Variants in ETS1 observed in about 807,000 individuals in gnomAD.
ETS1 encodes ETS proto-oncogene 1, transcription factor.
ETS1 carries 15 observed loss-of-function variants against 58.6 expected under a neutral mutation model. That is an observed-to-expected ratio of 0.26 (90% confidence interval 0.17 to 0.39). ETS1 has a LOEUF of 0.39. Ranked by LOEUF, ETS1 falls within the 10% of genes least tolerant of loss-of-function variation. The pLI, the probability that ETS1 is intolerant of heterozygous loss-of-function variation, is 1.00. For synonymous variants in ETS1, 214 were observed against 218.2 expected, an observed-to-expected ratio of 0.98 and a Z score of 0.17; for missense variants, 417 against 610.5, an observed-to-expected ratio of 0.68 and a Z score of 3.34.
At chr11:128,539,982 A>T (rs1207410933) in intron 3 of ETS1, among the ~76,000 whole-genome samples, 1 of 152,210 alleles carries the variant, frequency 6.6e-6, no homozygotes, top group African/African-American at 2.4e-5. Context: ...AAGAATGAAG[A>T]TCGACTGCTA....
At chr11:128,515,517 A>T (rs544919723) in intron 3 of ETS1, among the ~76,000 whole-genome samples, 1 of 152,344 alleles carries the variant, frequency 6.6e-6, no homozygotes, top group Non-Finnish European at 1.5e-5. Flanking sequence ...TTATTAGCTT[A>T]CTTAGATGGT....
chr11:128,479,374 A>C (rs2135439126), intron 8 of ETS1, among the ~76,000 whole-genome samples: 1 of 152,362 alleles, frequency 6.6e-6, no homozygotes, highest in South Asian at 2.1e-4. Flanking sequence ...TCTAATTTTT[A>C]GAAAACACTA....
At chr11:128,540,749 T>G (rs754114591) in intron 3 of ETS1, among the ~76,000 whole-genome samples, 124 of 152,290 alleles carry the variant, frequency 8.1e-4, no homozygotes, top group Non-Finnish European at 1.4e-3. Context: ...CAAGGAGCAC[T>G]AATGAAGTGA....
At chr11:128,513,878 C>T (rs1034779433) in intron 3 of ETS1, among the ~76,000 whole-genome samples, 3 of 152,130 alleles carry the variant, frequency 2.0e-5, no homozygotes, top group African/African-American at 7.2e-5. Context: ...ATAGCGAGAC[C>T]TCATTTCTAC....
At chr11:128,556,205 C>T in intron 3 of ETS1, 86 bp downstream of exon 3, 1 of 1,157,238 alleles carries the variant, frequency 8.6e-7, no homozygotes, top group Admixed American at 2.4e-5. Context: ...GCCATGGCAG[C>T]TGTTATTTGA....
chr11:128,534,976 G>C (rs1863951871), intron 3 of ETS1, among the ~76,000 whole-genome samples: 1 of 152,126 alleles, frequency 6.6e-6, no homozygotes. Flanking sequence ...TGGTATTTCT[G>C]GTTCTTGATC....
chr11:128,558,322 G>C (rs1178849329), intron 2 of ETS1, among the ~76,000 whole-genome samples: 2 of 152,166 alleles, frequency 1.3e-5, no homozygotes, highest in Non-Finnish European at 2.9e-5. Flanking sequence ...GGAACCATCA[G>C]CAAGAATACA....
chr11:128,522,089 G>A (rs1484609852), intron 3 of ETS1: 21 of 1,338,558 alleles, frequency 1.6e-5, no homozygotes, highest in East Asian at 1.2e-4. Flanking sequence ...GGAAGGGGAC[G>A]GGGGAAATCC....
chr11:128,500,009 A>G (rs1318684565), intron 3 of ETS1, among the ~76,000 whole-genome samples: 1 of 152,248 alleles, frequency 6.6e-6, no homozygotes, highest in Non-Finnish European at 1.5e-5. Flanking sequence ...CGCAGGAAAC[A>G]AACACAGAGA....
rs147221009 is a variant in ETS1, at chr11:128,546,175, G to A, written c.214+10116C>T. Among the ~76,000 whole-genome samples the A allele has an allele frequency of 5.2e-3, 797 of 152,348 alleles. 4 individuals carry two copies. Among genetic ancestry groups the A allele is most frequent in the African/African-American group, 0.018 (754 of 41,586 alleles). On this transcript the variant is annotated intron_variant, in intron 3 of 9. Transcript: ENST00000392668. ...GTTCAAAGTAGTTGACTTGGGTTGG[G>A]TAATCTGTCTAGACTGGAGAAGTCT...
At chr11:128,506,318 G>C (rs780458341) in intron 3 of ETS1, among the ~76,000 whole-genome samples, 3 of 152,190 alleles carry the variant, frequency 2.0e-5, no homozygotes, top group African/African-American at 7.2e-5. Context: ...AAATGTTAGA[G>C]AGAGAAAGAG....
At chr11:128,532,051 C>T (rs573504749) in intron 3 of ETS1, among the ~76,000 whole-genome samples, 2 of 152,334 alleles carry the variant, frequency 1.3e-5, no homozygotes, top group Non-Finnish European at 2.9e-5. Context: ...GGGTCTCGCT[C>T]TATCACCCAG....
chr11:128,479,477 T>A (rs554442650), intron 8 of ETS1, among the ~76,000 whole-genome samples: 2 of 152,388 alleles, frequency 1.3e-5, no homozygotes, highest in South Asian at 4.1e-4. Context: ...TTAAGTAGCA[T>A]GATATGCTAC....
intron 3 of ETS1, among the ~76,000 whole-genome samples, chr11:128,552,253 T>C (rs1277859722): frequency 6.6e-6 from 1 of 152,188 alleles, no homozygotes; most frequent in East Asian, 1.9e-4. Flanking sequence ...GGTTCTTTCC[T>C]ACTACACTAA....
chr11:128,506,546 G>A (rs532756957), intron 3 of ETS1, among the ~76,000 whole-genome samples: 3 of 152,292 alleles, frequency 2.0e-5, no homozygotes, highest in African/African-American at 7.2e-5. Context: ...AGGGGAGGGG[G>A]TAGGAAGGAG....
rs1376232758 is a variant in ETS1, at chr11:128,464,977, T to C, written c.1124-1350A>G. Among the ~76,000 whole-genome samples, 1 of 152,192 alleles carries C rather than the reference T, an allele frequency of 6.6e-6. No homozygotes were observed. Among genetic ancestry groups the C allele is most frequent in the Admixed American group, 6.5e-5 (1 of 15,282 alleles). On this transcript the variant is annotated intron_variant, in intron 8 of 9. Coordinates refer to ENST00000392668, the MANE Select transcript of ETS1 (RefSeq NM_001143820.2). This position sits in a 1 kb window ranked among gnomAD's most constrained non-coding sequence, Gnocchi z 4.1. ...AGAAAAAGTGCTCAGCAAAGTACTG[T>C]GACTTTGCTCTGAGCCACGGTTAGC...
rs1322289036 is a variant in ETS1, at chr11:128,489,361, T to C, written c.464A>G (p.Asp155Gly). 6.2e-7 allele frequency: 1 copy of C among 1,614,166 alleles called. No individual in the cohort carries two copies. The highest frequency in any genetic ancestry group is 1.7e-5 in the Admixed American group (1 of 60,030). Residue 155 changes from aspartate to glycine, a missense_variant, in exon 5 of 10, where the codon GAC becomes GGC. Asp to Gly is a moderately conservative substitution (Grantham distance 94). Around this residue, in one of 4 missense-constraint regions of ETS1, gnomAD observed 132 missense variants for 212.1 expected, o/e 0.62. Coordinates refer to ENST00000392668, the MANE Select transcript of ETS1 (RefSeq NM_001143820.2). The part of the protein sequence containing the change: ...NGAALCALGK[D>G]CFLELAPDFV... ...GTCTGGGGCCAGCTCGAGAAAGCAG[T>C]CTTTACCCAGGGCGCAGAGGGCTGC...
At chr11:128,507,468 A>G (rs1414697177) in intron 3 of ETS1, among the ~76,000 whole-genome samples, 3 of 152,196 alleles carry the variant, frequency 2.0e-5, no homozygotes, top group Non-Finnish European at 4.4e-5. Context: ...AATATACTGA[A>G]TTAGTCACTG....
chr11:128,553,574 A>G (rs1408108364), intron 3 of ETS1, among the ~76,000 whole-genome samples: 2 of 151,596 alleles, frequency 1.3e-5, no homozygotes, highest in Admixed American at 6.6e-5. Flanking sequence ...ATTTTGTCCA[A>G]TCGATTCCCG....
Sources: allele counts gnomAD v4.1 joint callset (sites outside exome capture counted in the v4.1 genomes callset), GRCh38; gene constraint gnomAD v4.1.1; regional missense constraint gnomAD v4.1.1; non-coding constraint Gnocchi (gnomAD v3.1); transcripts MANE v1.5; gene names NCBI Gene and HGNC (gene_info 2026-07-23, HGNC 2026-07-21).